Variants in NFKBIZ observed in about 807,000 individuals in gnomAD.
NFKBIZ encodes the protein NFKB inhibitor zeta.
NFKBIZ carries 19 observed loss-of-function variants against 76.8 expected under a neutral mutation model. The observed-to-expected ratio is 0.25, with a 90% CI of 0.17 to 0.36. The LOEUF (loss-of-function observed/expected upper bound fraction) is 0.36, where lower values mean the gene tolerates loss of function less well. Ranked by LOEUF, NFKBIZ falls within the 10% of genes least tolerant of loss-of-function variation. The pLI is 1.00. For missense variants in NFKBIZ, 829 were observed against 910.9 expected (o/e 0.91, Z 1.16); for synonymous variants, 368 against 354.8 (o/e 1.04, Z -0.42).
upstream of NFKBIZ, among the ~76,000 whole-genome samples, chr3:101,846,602 T>C (rs1942855807): frequency 6.6e-6 from 1 of 152,214 alleles, no homozygotes; most frequent in Non-Finnish European, 1.5e-5. Context: ...AATGGGAAGA[T>C]AATTAATTAA....
In NFKBIZ at chr3:101,849,560, C is replaced by G; in HGVS notation, c.-69C>G. ...CCGCCGACAGCTCCCTGAGCCAGCC[C>G]GGGAGGCAGCCGCGCGCAGCGAGCC... On this transcript the variant is annotated 5_prime_UTR_variant, in exon 1 of 12. Coordinates refer to ENST00000326172, the MANE Select transcript of NFKBIZ (RefSeq NM_031419.4). 2.4e-6 allele frequency: 3 copies of G among 1,268,378 alleles called. No homozygotes were observed. The highest frequency in any genetic ancestry group is 4.8e-5 in the South Asian group (2 of 41,514). The allele number at this position is 1,268,378 out of a possible 1,614,324, so 78.6% of individuals were successfully genotyped here.
rs768564455 is a variant in NFKBIZ, at chr3:101,855,908, T to TTA, written c.1824+7_1824+8insAT. The TTA allele has an allele frequency of 6.3e-7, 1 of 1,599,750 alleles. No homozygotes were observed. On this transcript the variant is annotated splice_region_variant and intron_variant, in intron 9 of 11. Transcript: ENST00000326172. ...GAGCAGCGGTGGAAGCGAAGGTAAA[T>TTA]TCACAGAAAAGGTTTAAGATGGGGT...
chr3:101,842,777 A>AGGATG (rs1942803618), intron 2 of NFKBIZ, among the ~76,000 whole-genome samples: 2 of 151,430 alleles, frequency 1.3e-5, no homozygotes, highest in South Asian at 4.2e-4. Context: ...GGCAGTCTGG[A>AGGATG]GGATGGGTTT....
intron 11 of NFKBIZ, among the ~76,000 whole-genome samples, chr3:101,858,996 C>CATTTT (rs1943095909): frequency 6.6e-6 from 1 of 152,040 alleles, no homozygotes; most frequent in African/African-American, 2.4e-5. Context: ...AATGTTCTCA[C>CATTTT]AAATAGCAAG....
At position 101,855,351 on chromosome 3, in the gene NFKBIZ, C is replaced by T. The variant is rs367609090; in HGVS notation, c.1591-44C>T. On this transcript the variant is annotated intron_variant, in intron 7 of 11. Transcript: ENST00000326172. ...TCTTGGGGATTCTAATAGGTATATG[C>T]GCAGCTTATGTAGCTAACAGATGTC... 49 of 1,608,270 alleles carry T rather than the reference C, an allele frequency of 3.0e-5. No homozygotes were observed. In the Admixed American group the frequency reaches 3.3e-4, roughly 11 times the overall value.
upstream of NFKBIZ, chr3:101,848,878 A>G (rs1179657473): frequency 1.3e-5 from 2 of 152,254 alleles, no homozygotes; most frequent in Non-Finnish European, 2.9e-5. Context: ...AAAATGCTCC[A>G]ACATCTCTTT....
At chr3:101,852,540 G>A (rs543851228) in intron 2 of NFKBIZ, among the ~76,000 whole-genome samples, 198 bp from the exon 3 acceptor site, 7 of 152,292 alleles carry the variant, frequency 4.6e-5, no homozygotes, top group South Asian at 4.1e-4. Context: ...CTTGACCTGC[G>A]TTGAGCTAAG....
At chr3:101,837,895 A>G (rs1057432959) in intron 2 of NFKBIZ, among the ~76,000 whole-genome samples, 4 of 152,236 alleles carry the variant, frequency 2.6e-5, no homozygotes, top group African/African-American at 9.6e-5. Context: ...AGAGAAGGAC[A>G]TCGACAAGAG....
chr3:101,849,799 C>G lies in NFKBIZ; in HGVS notation c.171C>G (p.Pro57=), dbSNP rs867815814. The G allele has an allele frequency of 1.4e-6, 2 of 1,469,670 alleles. No homozygotes were observed. The highest frequency in any genetic ancestry group is 1.5e-5 in the African/African-American group (1 of 67,972). The allele number at this position is 1,469,670 out of a possible 1,614,324, so 91.0% of individuals were successfully genotyped here. A position where few individuals can be genotyped will look rare whatever the true frequency, so the allele number is the denominator to read the frequency against. ...ACGCCAGCTGCTCGGTCTTGGGCCCCTCGGCGCCCGGCTCGCCCGGCTCCG... is the reference window on the plus strand; with the variant it reads ...ACGCCAGCTGCTCGGTCTTGGGCCCGTCGGCGCCCGGCTCGCCCGGCTCCG... ...ACDASCSVLG[P]SAPGSPGSDS... is the part of the protein sequence containing the mutation. The change falls in exon 1 of 12, where the codon CCC becomes CCG. Residue 57 remains proline, a synonymous_variant. Transcript: ENST00000326172.
intron 2 of NFKBIZ, among the ~76,000 whole-genome samples, chr3:101,840,776 G>C (rs1255036666): frequency 6.6e-6 from 1 of 152,182 alleles, no homozygotes; most frequent in South Asian, 2.1e-4. Flanking sequence ...TGCCCATCAG[G>C]GGACAGACCT....
upstream of NFKBIZ, among the ~76,000 whole-genome samples, chr3:101,845,410 C>T (rs928144481): frequency 3.3e-4 from 49 of 150,766 alleles, 2 homozygotes; most frequent in South Asian, 2.1e-4. Flanking sequence ...CCTCCCACTT[C>T]GGCCTCCCAA....
intron 2 of NFKBIZ, 50 bp from the exon 3 acceptor site, chr3:101,852,688 A>T: frequency 7.6e-7 from 1 of 1,315,616 alleles, no homozygotes; most frequent in Non-Finnish European, 1.1e-6. Flanking sequence ...GATGTATATT[A>T]AGAGGAAGTC....
At chr3:101,849,250 G>T, upstream of NFKBIZ, 1 of 165,382 alleles carries the variant, frequency 6.0e-6, no homozygotes, top group South Asian at 1.9e-4. Context: ...GGCGGGAAGC[G>T]GGAGGCTGGA....
At position 101,854,154 on chromosome 3, in the gene NFKBIZ, A is replaced by C. The variant is rs1197443846; in HGVS notation, c.1337+291A>C. Among the ~76,000 whole-genome samples, 3 of 152,240 alleles carry C rather than the reference A, an allele frequency of 2.0e-5. No homozygotes were observed. The East Asian group carries it at 5.8e-4, about 29-fold the overall frequency. On this transcript the variant is annotated intron_variant, in intron 5 of 11. Transcript: ENST00000326172. ...CCAGCGTAGACTATGTCTATAGAAC[A>C]GAAACAGTTAGATCATGATTAGGGA...
At chr3:101,848,352 T>C (rs1247037344), upstream of NFKBIZ, among the ~76,000 whole-genome samples, 1 of 152,182 alleles carries the variant, frequency 6.6e-6, no homozygotes, top group Non-Finnish European at 1.5e-5. Context: ...CTTAATTCTT[T>C]GCTCTTGTTC....
intron 2 of NFKBIZ, among the ~76,000 whole-genome samples, chr3:101,842,896 G>T (rs182727619): frequency 2.0e-3 from 304 of 151,712 alleles, no homozygotes; most frequent in Non-Finnish European, 3.6e-3. Flanking sequence ...TCAGAACCAG[G>T]TGTTCAACAA....
chr3:101,837,727 C>T (rs759297612), intron 2 of NFKBIZ, among the ~76,000 whole-genome samples: 16 of 152,042 alleles, frequency 1.1e-4, no homozygotes, highest in Non-Finnish European at 1.6e-4. Flanking sequence ...TCCCCCAGAC[C>T]CCTTGTTTAC....
rs149808480 is a variant in NFKBIZ, at chr3:101,853,694, A to G, written c.1168A>G (p.Met390Val). Reference protein sequence around the residue: ...SACEAMVGHEMASDSSNTSLP... With the variant: ...SACEAMVGHEVASDSSNTSLP... ...CTGTGAGGCCATGGTGGGGCACGAGATGGCCTCTGACTCTTCAAACACTTC... is the reference window on the plus strand; with the variant it reads ...CTGTGAGGCCATGGTGGGGCACGAGGTGGCCTCTGACTCTTCAAACACTTC... The change falls in exon 5 of 12, where the codon ATG (methionine) becomes GTG (valine). Residue 390 changes from methionine (M) to valine (V), a missense_variant. By Grantham distance (21) the Met-to-Val change is conservative. Around this residue, in one of 4 missense-constraint regions of NFKBIZ, gnomAD observed 371 missense variants for 332.3 expected, o/e 1.12. Coordinates refer to ENST00000326172, the MANE Select transcript of NFKBIZ (RefSeq NM_031419.4). 113 of 1,614,134 alleles carry G rather than the reference A, an allele frequency of 7.0e-5. No individual in the cohort carries two copies. The highest frequency in any genetic ancestry group is 9.2e-5 in the Non-Finnish European group (108 of 1,180,052).
chr3:101,842,545 T>G (rs1216511220), intron 2 of NFKBIZ, among the ~76,000 whole-genome samples: 3 of 152,120 alleles, frequency 2.0e-5, no homozygotes, highest in African/African-American at 7.2e-5. Flanking sequence ...ATTATGAGAT[T>G]CTTTTGTGAT....
Sources: gnomAD v4.1 joint callset for allele counts (sites outside exome capture counted in the v4.1 genomes callset) on GRCh38, gnomAD v4.1.1 for gene constraint, gnomAD v4.1.1 regional missense constraint, MANE v1.5 for transcripts, NCBI Gene and HGNC (gene_info 2026-07-23, HGNC 2026-07-21) for gene names.